The following CAMK1D variants were observed in gnomAD, a reference collection of about 807,000 sequenced individuals.
CAMK1D encodes calcium/calmodulin-dependent protein kinase type 1D.
A neutral mutation model predicts 47.7 loss-of-function variants in CAMK1D; 9 were observed. The observed-to-expected ratio is 0.19, with a 90% CI of 0.11 to 0.33. The LOEUF (loss-of-function observed/expected upper bound fraction) is 0.33, where lower values mean the gene tolerates loss of function less well. CAMK1D is among the 10% of genes least tolerant of loss of function. The probability of loss-of-function intolerance (pLI) is 1.00; values close to 1 mark genes in which losing one functional copy is unlikely to be tolerated. For missense variants in CAMK1D, 291 were observed against 488.7 expected (o/e 0.60, Z 3.81); for synonymous variants, 184 against 184.9 (o/e 0.99, Z 0.04).
At chr10:12,479,908 C>T (rs1536529) in intron 1 of CAMK1D, among the ~76,000 whole-genome samples, 88,407 of 151,810 alleles carry the variant, frequency 0.58, 25,866 homozygotes, top group African/African-American at 0.61. Context: ...CCACAGTTCT[C>T]AACGACGTCC....
chr10:12,724,947 T>C (rs1002622198), intron 3 of CAMK1D, among the ~76,000 whole-genome samples: 1 of 152,176 alleles, frequency 6.6e-6, no homozygotes, highest in South Asian at 2.1e-4. Flanking sequence ...ATGTTTGATG[T>C]AACTGTGAAA....
Position 12,828,800 on chromosome 10 carries a change from T to G in CAMK1D, c.1071T>G (p.Ile357Met), listed in dbSNP as rs1003034685. 4.3e-6 allele frequency: 7 copies of G among 1,613,818 alleles called. No individual in the cohort carries two copies. The highest frequency in any genetic ancestry group is 1.6e-4 in the Middle Eastern group (1 of 6,080). ...CLAPSTLCSFISSSSGVSGVG... is the reference protein window; with the variant it reads ...CLAPSTLCSFMSSSSGVSGVG... ...CACCTTCCACGCTCTGTAGTTTCAT[T>G]TCTTCTTCGTCGGGGGTCTCAGGAG... The change falls in exon 11 of 11, where the codon ATT (isoleucine) becomes ATG (methionine). Residue 357 changes from isoleucine to methionine, a missense_variant. Ile to Met is a conservative substitution (Grantham distance 10). Transcript: ENST00000619168.
chr10:12,564,494 G>T (rs1270364302), intron 2 of CAMK1D, among the ~76,000 whole-genome samples: 1 of 152,088 alleles, frequency 6.6e-6, no homozygotes, highest in African/African-American at 2.4e-5. Context: ...CAGGGCTATC[G>T]TTTGAGTAGT....
At chr10:12,776,330 G>C (rs1286986126) in intron 5 of CAMK1D, among the ~76,000 whole-genome samples, 1 of 152,210 alleles carries the variant, frequency 6.6e-6, no homozygotes, top group African/African-American at 2.4e-5. Context: ...AGAGCCTGTG[G>C]GATGAACAGA....
chr10:12,711,192 C>T (rs1057083365), intron 3 of CAMK1D, among the ~76,000 whole-genome samples: 3 of 152,146 alleles, frequency 2.0e-5, no homozygotes, highest in Admixed American at 1.3e-4. Flanking sequence ...CTGTTTCAGT[C>T]GCATAAGGTG....
intron 1 of CAMK1D, among the ~76,000 whole-genome samples, chr10:12,547,406 A>G (rs903424134): frequency 7.9e-5 from 12 of 152,196 alleles, no homozygotes; most frequent in Non-Finnish European, 1.8e-4. Context: ...TCAGGTTGCC[A>G]ATATGATTCA....
intron 1 of CAMK1D, among the ~76,000 whole-genome samples, chr10:12,491,674 G>A (rs1234358136): frequency 6.6e-6 from 1 of 152,116 alleles, no homozygotes; most frequent in Non-Finnish European, 1.5e-5. Flanking sequence ...GAAATCATGA[G>A]CATTTCCCGC....
intron 1 of CAMK1D, among the ~76,000 whole-genome samples, chr10:12,449,226 G>A (rs920315563): frequency 6.6e-6 from 1 of 152,086 alleles, no homozygotes; most frequent in Non-Finnish European, 1.5e-5. Context: ...TTGAAGTGTG[G>A]CTTGTCTGCC....
At chr10:12,398,453 A>G (rs761500044) in intron 1 of CAMK1D, among the ~76,000 whole-genome samples, 2 of 152,148 alleles carry the variant, frequency 1.3e-5, no homozygotes, top group Non-Finnish European at 2.9e-5. Flanking sequence ...AGTTCGAGTG[A>G]TTCTCCTGCC....
chr10:12,507,313 G>A (rs1834905681), intron 1 of CAMK1D, among the ~76,000 whole-genome samples: 1 of 152,194 alleles, frequency 6.6e-6, no homozygotes, highest in South Asian at 2.1e-4. Context: ...ATATAAGCTT[G>A]GATGGTGCCT....
At chr10:12,546,665 A>G (rs1231456325) in intron 1 of CAMK1D, among the ~76,000 whole-genome samples, 1 of 152,144 alleles carries the variant, frequency 6.6e-6, no homozygotes, top group Non-Finnish European at 1.5e-5. Flanking sequence ...TTGTAGGGAC[A>G]TGGATGAAGC....
chr10:12,637,561 A>G (rs1298070617), intron 2 of CAMK1D, among the ~76,000 whole-genome samples: 1 of 139,334 alleles, frequency 7.2e-6, no homozygotes, highest in Admixed American at 7.7e-5. Flanking sequence ...ATATTTCCCA[A>G]GGTCCCAGGC....
At chr10:12,713,478 C>T (rs933074479) in intron 3 of CAMK1D, among the ~76,000 whole-genome samples, 14 of 152,132 alleles carry the variant, frequency 9.2e-5, no homozygotes, top group African/African-American at 2.9e-4. Flanking sequence ...ACATTTGAGG[C>T]CGGAATGGTC....
intron 2 of CAMK1D, among the ~76,000 whole-genome samples, chr10:12,664,915 T>C (rs574609896): frequency 7.2e-5 from 11 of 152,346 alleles, no homozygotes; most frequent in South Asian, 4.1e-4. Context: ...GAGCATGTGA[T>C]TGATTCCAAT....
At chr10:12,739,097 C>T (rs574198396) in intron 3 of CAMK1D, among the ~76,000 whole-genome samples, 14 of 151,780 alleles carry the variant, frequency 9.2e-5, no homozygotes, top group Non-Finnish European at 1.3e-4. Flanking sequence ...ATTAGCCAGG[C>T]GTGGTGGTGT....
intron 2 of CAMK1D, among the ~76,000 whole-genome samples, chr10:12,604,193 C>T (rs777197033): frequency 6.6e-6 from 1 of 152,122 alleles, no homozygotes; most frequent in African/African-American, 2.4e-5. Context: ...CTCTGTAATT[C>T]TTAGCACCCA....
At chr10:12,639,503 A>C (rs1201984552) in intron 2 of CAMK1D, among the ~76,000 whole-genome samples, 2 of 151,910 alleles carry the variant, frequency 1.3e-5, no homozygotes, top group Non-Finnish European at 2.9e-5. Context: ...CAAACAAACA[A>C]ACCTAATCAG....
chr10:12,461,968 A>C (rs925178951), intron 1 of CAMK1D, among the ~76,000 whole-genome samples: 1 of 137,466 alleles, frequency 7.3e-6, no homozygotes, highest in Non-Finnish European at 1.5e-5. Context: ...ACTTCACCAG[A>C]ATATTCCCAC....
At chr10:12,457,306 G>A (rs371739535) in intron 1 of CAMK1D, among the ~76,000 whole-genome samples, 2 of 151,790 alleles carry the variant, frequency 1.3e-5, no homozygotes, top group Non-Finnish European at 2.9e-5. Flanking sequence ...CAGGAGAATC[G>A]CTTGAACCCA....
Sources: allele counts gnomAD v4.1 joint callset (sites outside exome capture counted in the v4.1 genomes callset), GRCh38; gene constraint gnomAD v4.1.1; transcripts MANE v1.5; gene names NCBI Gene and HGNC (gene_info 2026-07-23, HGNC 2026-07-21).